WLS: variants seen among roughly 807,000 people sequenced by gnomAD.
WLS encodes the protein Wnt ligand secretion mediator, also known as protein wntless homolog.
WLS carries 23 observed loss-of-function variants against 62.8 expected under a neutral mutation model. The observed-to-expected ratio is 0.37, with a 90% confidence interval of 0.26 to 0.52. WLS has a LOEUF of 0.52. Among genes scored for constraint, WLS ranks in the 20% least tolerant of loss-of-function variants. The probability of loss-of-function intolerance (pLI) is 0.92; values close to 1 mark genes in which losing one functional copy is unlikely to be tolerated. For missense variants in WLS, 615 were observed against 697.3 expected (o/e 0.88, Z 1.33); for synonymous variants, 246 against 244.1 (o/e 1.01, Z -0.07).
At chr1:68,159,887 A>G (rs1360054231) in intron 2 of WLS, among the ~76,000 whole-genome samples, 1 of 152,224 alleles carries the variant, frequency 6.6e-6, no homozygotes, top group East Asian at 1.9e-4. Flanking sequence ...AGACTTATAC[A>G]CAGATAGGAA....
In WLS at chr1:68,216,443, G is replaced by A. The variant is rs113829902; in HGVS notation, c.106+15751C>T. ...CAAATGTGAGGTATCAGGTGTATCA[G>A]TGCATTACGCAGATTTCACAAACAC... On this transcript the variant is annotated intron_variant, in intron 1 of 11. Coordinates refer to ENST00000262348, the MANE Select transcript of WLS (RefSeq NM_024911.7). 4.5e-3 allele frequency among the ~76,000 whole-genome samples: 687 copies of A among 152,342 alleles called. 10 individuals carry two copies. The highest frequency in any genetic ancestry group is 0.016 in the African/African-American group (663 of 41,594).
chr1:68,178,133 A>G (rs1647338513), intron 2 of WLS, among the ~76,000 whole-genome samples: 1 of 152,176 alleles, frequency 6.6e-6, no homozygotes, highest in Non-Finnish European at 1.5e-5. Flanking sequence ...TTGCCTTCAC[A>G]TTGTAAGTGA....
At chr1:68,167,970 T>G (rs1315840099) in intron 2 of WLS, among the ~76,000 whole-genome samples, 1 of 152,148 alleles carries the variant, frequency 6.6e-6, no homozygotes, top group Non-Finnish European at 1.5e-5. Flanking sequence ...CATCAACTAA[T>G]TGTATCCTTA....
chr1:68,184,215 G>A (rs1368706693), intron 2 of WLS, among the ~76,000 whole-genome samples: 3 of 152,196 alleles, frequency 2.0e-5, no homozygotes, highest in East Asian at 1.9e-4. Context: ...AGAGAGATAT[G>A]TAAACAAATT....
chr1:68,231,221 G>C (rs1650401866), intron 1 of WLS, among the ~76,000 whole-genome samples: 1 of 152,132 alleles, frequency 6.6e-6, no homozygotes, highest in Admixed American at 6.5e-5. Context: ...TGGACGGTCC[G>C]TGAGGCGGTT....
intron 11 of WLS, among the ~76,000 whole-genome samples, chr1:68,105,184 CT>C (rs1203420575): frequency 6.6e-6 from 1 of 152,186 alleles, no homozygotes; most frequent in Non-Finnish European, 1.5e-5. Context: ...GGGAGTTTTG[CT>C]TTCTTTGATC....
At chr1:68,214,554 T>C (rs988861288) in intron 1 of WLS, among the ~76,000 whole-genome samples, 2 of 152,074 alleles carry the variant, frequency 1.3e-5, no homozygotes, top group Admixed American at 1.3e-4. Flanking sequence ...TTAATAGAGA[T>C]GGGGTTTCAC....
intron 2 of WLS, among the ~76,000 whole-genome samples, chr1:68,177,415 G>A (rs1647306186): frequency 1.3e-5 from 2 of 152,120 alleles, no homozygotes; most frequent in Non-Finnish European, 2.9e-5. Flanking sequence ...CCATGGACGG[G>A]GTCCTTTTTC....
At chr1:68,130,974 C>G (rs1306870358) in intron 11 of WLS, among the ~76,000 whole-genome samples, 2 of 148,254 alleles carry the variant, frequency 1.3e-5, no homozygotes, top group Non-Finnish European at 3.0e-5. Flanking sequence ...GCACTGCAAC[C>G]TCCGCCTCCA....
At chr1:68,227,466 A>G (rs914228190) in intron 1 of WLS, among the ~76,000 whole-genome samples, 2 of 151,970 alleles carry the variant, frequency 1.3e-5, no homozygotes, top group Non-Finnish European at 2.9e-5. Context: ...ATTACACTGC[A>G]AGAACCAAAT....
chr1:68,100,551 G>T (rs1393179205), intron 11 of WLS: 1 of 152,194 alleles, frequency 6.6e-6, no homozygotes, highest in Non-Finnish European at 1.5e-5. Context: ...CGAATGGGTA[G>T]GTGGGAGGCA....
At chr1:68,186,830 C>G (rs1647975624) in intron 2 of WLS, among the ~76,000 whole-genome samples, 1 of 151,918 alleles carries the variant, frequency 6.6e-6, no homozygotes, top group Non-Finnish European at 1.5e-5. Flanking sequence ...TAATCAATGC[C>G]TTGCTCAGTG....
At chr1:68,220,456 G>A (rs1042549923) in intron 1 of WLS, among the ~76,000 whole-genome samples, 7 of 152,136 alleles carry the variant, frequency 4.6e-5, no homozygotes, top group African/African-American at 7.2e-5. Flanking sequence ...CACAACCCCC[G>A]TGACTCAGAG....
chr1:68,147,852 T>C (rs568718578), intron 8 of WLS, among the ~76,000 whole-genome samples: 2 of 152,286 alleles, frequency 1.3e-5, no homozygotes, highest in East Asian at 3.9e-4. Context: ...CAGGAAACAG[T>C]GTATAACAGA....
intron 2 of WLS, among the ~76,000 whole-genome samples, chr1:68,165,314 G>C (rs2100521590): frequency 6.6e-6 from 1 of 152,122 alleles, no homozygotes. Context: ...ACTTTTAAAG[G>C]GTCCCACTCT....
chr1:68,209,900 T>A (rs1006735362), intron 1 of WLS, among the ~76,000 whole-genome samples: 2 of 152,220 alleles, frequency 1.3e-5, no homozygotes, highest in Admixed American at 6.5e-5. Context: ...GAACTGGGGT[T>A]TGAACCTAAT....
chr1:68,153,495 G>C, intron 5 of WLS, 22 bp downstream of exon 5: 1 of 1,613,862 alleles, frequency 6.2e-7, no homozygotes. Flanking sequence ...TTCCTGAAGA[G>C]CGCTCCAAAA....
chr1:68,216,430 A>G (rs1156884780), intron 1 of WLS, among the ~76,000 whole-genome samples: 1 of 152,256 alleles, frequency 6.6e-6, no homozygotes, highest in East Asian at 1.9e-4. Context: ...AATGTGAGGT[A>G]TCAGGTGTAT....
chr1:68,102,899 AC>A (rs1646096696), intron 11 of WLS, among the ~76,000 whole-genome samples: 1 of 152,040 alleles, frequency 6.6e-6, no homozygotes, highest in Non-Finnish European at 1.5e-5. Flanking sequence ...GTCCAAGTAG[AC>A]CCCTTGCCTT....
Sources: allele counts gnomAD v4.1 joint callset (sites outside exome capture counted in the v4.1 genomes callset), GRCh38; gene constraint gnomAD v4.1.1; transcripts MANE v1.5; gene names NCBI Gene and HGNC (gene_info 2026-07-23, HGNC 2026-07-21).